Variants in ZBTB20 observed in about 807,000 individuals in gnomAD.
The protein encoded by ZBTB20 is zinc finger and BTB domain containing 20.
ZBTB20 carries 9 observed loss-of-function variants against 56.9 expected under a neutral mutation model. The observed-to-expected ratio is 0.16, with a 90% CI of 0.10 to 0.28. The LOEUF (loss-of-function observed/expected upper bound fraction) is 0.28, where lower values mean the gene tolerates loss of function less well. ZBTB20 is among the 10% of genes least tolerant of loss of function. The pLI is 1.00. For missense variants in ZBTB20, 655 were observed against 1,003.0 expected (o/e 0.65, Z 4.69); for synonymous variants, 417 against 420.7 (o/e 0.99, Z 0.11).
chr3:115,105,110 A>C (rs1353438294), intron 1 of ZBTB20, among the ~76,000 whole-genome samples: 1 of 152,190 alleles, frequency 6.6e-6, no homozygotes, highest in Non-Finnish European at 1.5e-5. Context: ...TCGTCAAGTC[A>C]TGCAACCATC....
At chr3:115,091,595 T>G (rs1348931391) in intron 1 of ZBTB20, among the ~76,000 whole-genome samples, 2 of 151,752 alleles carry the variant, frequency 1.3e-5, no homozygotes. Flanking sequence ...TAAAGGGATG[T>G]TTAGGCAGGA....
At chr3:114,341,980 A>G (rs1391912881) in intron 11 of ZBTB20, among the ~76,000 whole-genome samples, 1 of 152,198 alleles carries the variant, frequency 6.6e-6, no homozygotes, top group Non-Finnish European at 1.5e-5. Flanking sequence ...CCACAGAACA[A>G]TGGTATGTTA....
chr3:115,108,839 TATGA>T (rs2083796208), intron 1 of ZBTB20, among the ~76,000 whole-genome samples: 1 of 152,154 alleles, frequency 6.6e-6, no homozygotes, highest in Non-Finnish European at 1.5e-5. Flanking sequence ...CATATCTATA[TATGA>T]GTCATTTTCC....
chr3:114,352,305 C>G (rs942677316), intron 10 of ZBTB20, among the ~76,000 whole-genome samples: 4 of 152,184 alleles, frequency 2.6e-5, no homozygotes, highest in African/African-American at 9.7e-5. Flanking sequence ...TTTAGACAGG[C>G]CTAAGCCCAG....
At chr3:114,906,971 TA>T (rs2075343535) in intron 3 of ZBTB20, among the ~76,000 whole-genome samples, 1 of 151,772 alleles carries the variant, frequency 6.6e-6, no homozygotes, top group Admixed American at 6.6e-5. Flanking sequence ...CTCATATAAA[TA>T]AAATAATTGC....
At chr3:114,844,957 T>G (rs1579126436) in intron 4 of ZBTB20, among the ~76,000 whole-genome samples, 2 of 151,790 alleles carry the variant, frequency 1.3e-5, no homozygotes, top group South Asian at 4.2e-4. Context: ...TTGTATTTTC[T>G]GGATATAAGT....
intron 2 of ZBTB20, among the ~76,000 whole-genome samples, chr3:115,067,569 T>C (rs2082253255): frequency 6.6e-6 from 1 of 151,858 alleles, no homozygotes; most frequent in South Asian, 2.1e-4. Context: ...GATGATTCTA[T>C]TGTTGGTATT....
At chr3:114,613,020 T>C (rs1227907304) in intron 6 of ZBTB20, among the ~76,000 whole-genome samples, 1 of 152,166 alleles carries the variant, frequency 6.6e-6, no homozygotes, top group Non-Finnish European at 1.5e-5. Flanking sequence ...GGCATCAGAT[T>C]AAAATGCAGA....
At chr3:114,624,358 C>CA (rs368690191) in intron 6 of ZBTB20, among the ~76,000 whole-genome samples, 18,165 of 122,958 alleles carry the variant, frequency 0.15, 1,205 homozygotes, top group Middle Eastern at 0.22. Flanking sequence ...GTAAGAGAAA[C>CA]AAAAAAAAAA....
intron 5 of ZBTB20, among the ~76,000 whole-genome samples, chr3:114,739,904 G>A (rs1311034829): frequency 6.6e-6 from 1 of 152,118 alleles, no homozygotes; most frequent in Non-Finnish European, 1.5e-5. Flanking sequence ...GTATCTATGA[G>A]ATATTTTACC....
intron 2 of ZBTB20, among the ~76,000 whole-genome samples, chr3:114,983,118 A>G (rs2078395909): frequency 6.6e-6 from 1 of 152,056 alleles, no homozygotes; most frequent in South Asian, 2.1e-4. Flanking sequence ...CAAATAATGC[A>G]GAAATTATAC....
At chr3:114,543,767 T>C (rs1210475637) in intron 6 of ZBTB20, among the ~76,000 whole-genome samples, 4 of 152,210 alleles carry the variant, frequency 2.6e-5, no homozygotes, top group Non-Finnish European at 5.9e-5. Context: ...TTAATGGTCA[T>C]AAAAATGAAG....
At chr3:114,589,066 A>G (rs2055477381) in intron 6 of ZBTB20, among the ~76,000 whole-genome samples, 1 of 152,264 alleles carries the variant, frequency 6.6e-6, no homozygotes, top group African/African-American at 2.4e-5. Flanking sequence ...AACTGCTTCC[A>G]TGATTCAATT....
At chr3:114,789,459 G>A (rs534508024) in intron 5 of ZBTB20, among the ~76,000 whole-genome samples, 1 of 152,082 alleles carries the variant, frequency 6.6e-6, no homozygotes, top group Admixed American at 6.6e-5. Context: ...CATCTGGGTG[G>A]GTCCAATGCA....
At chr3:114,634,663 C>T (rs1175168839) in intron 6 of ZBTB20, among the ~76,000 whole-genome samples, 2 of 152,172 alleles carry the variant, frequency 1.3e-5, no homozygotes, top group Admixed American at 6.6e-5. Context: ...AAACTAAAAG[C>T]AGTTGCATTT....
chr3:114,352,206 G>C (rs1254203818), intron 10 of ZBTB20, among the ~76,000 whole-genome samples: 1 of 152,146 alleles, frequency 6.6e-6, no homozygotes, highest in Non-Finnish European at 1.5e-5. Flanking sequence ...CTTCAGCAAA[G>C]AACTGAAAGG....
At chr3:114,981,127 C>G (rs757971248) in intron 2 of ZBTB20, among the ~76,000 whole-genome samples, 1 of 151,854 alleles carries the variant, frequency 6.6e-6, no homozygotes, top group African/African-American at 2.4e-5. Flanking sequence ...CATATGATCA[C>G]GAAATTTTGT....
intron 4 of ZBTB20, among the ~76,000 whole-genome samples, chr3:114,855,509 T>G (rs1347190247): frequency 6.6e-6 from 1 of 152,212 alleles, no homozygotes; most frequent in African/African-American, 2.4e-5. Flanking sequence ...GTTCTCTTTA[T>G]GTTCAAAATA....
chr3:115,042,616 G>A (rs957602202), intron 2 of ZBTB20, among the ~76,000 whole-genome samples: 1 of 152,002 alleles, frequency 6.6e-6, no homozygotes, highest in Non-Finnish European at 1.5e-5. Flanking sequence ...AATAGTTTTC[G>A]TTTGACTTTG....
Sources: allele counts gnomAD v4.1 joint callset (sites outside exome capture counted in the v4.1 genomes callset), GRCh38; gene constraint gnomAD v4.1.1; transcripts MANE v1.5; gene names NCBI Gene and HGNC (gene_info 2026-07-23, HGNC 2026-07-21).